ASXL2: variants seen among roughly 807,000 people sequenced by gnomAD.
The protein encoded by ASXL2 is putative Polycomb group protein ASXL2.
Under a neutral mutation model 122.0 loss-of-function variants are expected in ASXL2, and 23 were observed. The ratio of observed to expected loss-of-function variants is 0.19; its 90% CI spans 0.14 to 0.27. ASXL2 has a LOEUF of 0.27. Ranked by LOEUF, ASXL2 falls within the 10% of genes least tolerant of loss-of-function variation. The pLI, the probability that ASXL2 is intolerant of heterozygous loss-of-function variation, is 1.00. For missense variants in ASXL2, 1,518 were observed against 1,713.8 expected, an observed-to-expected ratio of 0.89 and a Z score of 2.02; for synonymous variants, 650 against 637.0, an observed-to-expected ratio of 1.02 and a Z score of -0.31.
intron 3 of ASXL2, among the ~76,000 whole-genome samples, chr2:25,831,670 G>A (rs1411682810): frequency 6.6e-6 from 1 of 151,874 alleles, no homozygotes; most frequent in Non-Finnish European, 1.5e-5. Context: ...CAAAAAACCT[G>A]AAGATGTAAC....
At chr2:25,781,289 T>G (rs1248146006) in intron 5 of ASXL2, among the ~76,000 whole-genome samples, 2 of 151,978 alleles carry the variant, frequency 1.3e-5, no homozygotes, top group African/African-American at 2.4e-5. Context: ...ATCCCAACAC[T>G]TTGGGAGGTC....
At chr2:25,752,390 T>A (rs1001037611) in intron 11 of ASXL2, among the ~76,000 whole-genome samples, 1 of 152,212 alleles carries the variant, frequency 6.6e-6, no homozygotes, top group Non-Finnish European at 1.5e-5. Context: ...AGAATTTATA[T>A]CTTGATTCAG....
intron 4 of ASXL2, among the ~76,000 whole-genome samples, chr2:25,800,290 C>A (rs1462253215): frequency 6.6e-6 from 1 of 151,978 alleles, no homozygotes; most frequent in Non-Finnish European, 1.5e-5. Context: ...AGAGTGAGAT[C>A]CTGTCTCAAA....
intron 1 of ASXL2, among the ~76,000 whole-genome samples, chr2:25,864,931 G>C (rs56149017): frequency 6.6e-6 from 1 of 150,952 alleles, no homozygotes. Flanking sequence ...TCCTGGATTC[G>C]AGCGATTCTT....
In ASXL2 at chr2:25,739,576, T is replaced by A. The variant is rs1574386954; in HGVS notation, c.*2453A>T. 1 of 194,136 alleles carries A rather than the reference T, an allele frequency of 5.2e-6. No individual in the cohort carries two copies. Among genetic ancestry groups the A allele is most frequent in the East Asian group, 8.1e-5 (1 of 12,320 alleles). The allele number at this position is 194,136 out of a possible 1,614,324, so 12.0% of individuals were successfully genotyped here. A position where few individuals can be genotyped will look rare whatever the true frequency, so the allele number is the denominator to read the frequency against. The stretch of plus-strand genomic sequence containing the variant: ...TTAGGAGTATTCCTAAATGCAAATA[T>A]TTAGCTGAGTATTATTTGTTAAGAT... On this transcript the variant is annotated 3_prime_UTR_variant, in exon 13 of 13. Transcript: ENST00000435504.
intron 3 of ASXL2, among the ~76,000 whole-genome samples, chr2:25,807,258 C>T (rs2089096190): frequency 6.6e-6 from 1 of 152,132 alleles, no homozygotes; most frequent in Non-Finnish European, 1.5e-5. Flanking sequence ...TCTGTTGATG[C>T]TACTCAATAA....
intron 1 of ASXL2, among the ~76,000 whole-genome samples, chr2:25,848,574 G>A (rs889066763): frequency 6.6e-6 from 1 of 152,018 alleles, no homozygotes; most frequent in Non-Finnish European, 1.5e-5. Context: ...AGTGAGCCGA[G>A]ATTGGGCCAC....
At chr2:25,848,572 G>A (rs548550865) in intron 1 of ASXL2, among the ~76,000 whole-genome samples, 2 of 151,990 alleles carry the variant, frequency 1.3e-5, no homozygotes, top group South Asian at 2.1e-4. Context: ...GCAGTGAGCC[G>A]AGATTGGGCC....
intron 1 of ASXL2, among the ~76,000 whole-genome samples, chr2:25,877,518 G>T (rs946812402): frequency 6.6e-6 from 1 of 152,010 alleles, no homozygotes; most frequent in Non-Finnish European, 1.5e-5. Context: ...ACCATGCATT[G>T]CTGCCTTGTT....
chr2:25,792,029 C>T (rs13432437), intron 5 of ASXL2, among the ~76,000 whole-genome samples: 3,217 of 152,262 alleles, frequency 0.021, 113 homozygotes, highest in African/African-American at 0.07. Context: ...CAGGGTCTCG[C>T]TCTGTCACCT....
intron 6 of ASXL2, 56 bp downstream of exon 6, chr2:25,771,384 T>C: frequency 6.8e-7 from 1 of 1,472,426 alleles, no homozygotes; most frequent in Non-Finnish European, 9.3e-7. Context: ...CTGCCAGAGG[T>C]GTGCGTTTTA....
chr2:25,869,923 AAAG>A (rs1478854429), intron 1 of ASXL2, among the ~76,000 whole-genome samples: 4 of 151,926 alleles, frequency 2.6e-5, no homozygotes, highest in South Asian at 2.1e-4. Flanking sequence ...AAAAAAAAAA[AAAG>A]AAAGAAACAT....
intron 1 of ASXL2, chr2:25,856,792 T>A (rs2089784651): frequency 2.4e-6 from 3 of 1,265,816 alleles, no homozygotes; most frequent in Admixed American, 3.4e-5. Flanking sequence ...GCAATCCTCT[T>A]GGGGTTGGTG....
At chr2:25,877,683 G>A (rs1415357248) in intron 1 of ASXL2, among the ~76,000 whole-genome samples, 1 of 152,138 alleles carries the variant, frequency 6.6e-6, no homozygotes. Context: ...GACAAACAGG[G>A]GGCCCGGGGT....
intron 1 of ASXL2, among the ~76,000 whole-genome samples, chr2:25,860,632 A>G (rs1043544266): frequency 2.6e-5 from 4 of 151,088 alleles, no homozygotes; most frequent in African/African-American, 9.7e-5. Flanking sequence ...AATTGCTTGA[A>G]CCCGGATGGC....
rs1054755850 is a variant in ASXL2, at chr2:25,778,439, C to T, written c.404-6899G>A. Among the ~76,000 whole-genome samples, 6 of 152,304 alleles carry T rather than the reference C, an allele frequency of 3.9e-5. No individual in the cohort carries two copies. The South Asian group carries it at 1.2e-3, about 32-fold the overall frequency. ...AGAGCCTCTGTAGGGAGTGCAGACA[C>T]GCCAACATCTTGCTTTCAGACTTCT... On this transcript the variant is annotated intron_variant, in intron 5 of 12. Transcript: ENST00000435504.
At position 25,859,295 on chromosome 2, in the gene ASXL2, CTTATATT is replaced by C. The variant is rs1218166048; in HGVS notation, c.58-13739_58-13733del. On this transcript the variant is annotated intron_variant, in intron 1 of 12. Transcript: ENST00000435504. ...TCAGACTGAAATATATATTTAATTACTTATATTTTATACTTTTCTAACCATTTAAGGC... is the reference window on the plus strand; with the variant it reads ...TCAGACTGAAATATATATTTAATTACTTATACTTTTCTAACCATTTAAGGC... Among the ~76,000 whole-genome samples, 424 of 152,204 alleles carry C rather than the reference CTTATATT, an allele frequency of 2.8e-3. 1 individual carries two copies. Among genetic ancestry groups the C allele is most frequent in the African/African-American group, 9.6e-3 (398 of 41,516 alleles).
chr2:25,844,057 C>CA (rs1408451299), intron 2 of ASXL2, among the ~76,000 whole-genome samples: 1 of 151,984 alleles, frequency 6.6e-6, no homozygotes, highest in Non-Finnish European at 1.5e-5. Flanking sequence ...ATTGTGTTCC[C>CA]CTACCCCAAT....
At chr2:25,780,989 C>G (rs1292645442) in intron 5 of ASXL2, among the ~76,000 whole-genome samples, 13 of 145,380 alleles carry the variant, frequency 8.9e-5, no homozygotes, top group Admixed American at 8.6e-4. Flanking sequence ...GAAGCTGAGG[C>G]AGGAGAATGG....
Sources: allele counts gnomAD v4.1 joint callset (sites outside exome capture counted in the v4.1 genomes callset), GRCh38; gene constraint gnomAD v4.1.1; transcripts MANE v1.5; gene names NCBI Gene and HGNC (gene_info 2026-07-23, HGNC 2026-07-21).